The following RGS7BP variants were observed in gnomAD, a reference collection of about 807,000 sequenced individuals.
RGS7BP encodes the protein regulator of G protein signaling 7-binding protein.
In RGS7BP, 9 loss-of-function variants were observed where a neutral mutation model predicts 31.3. The observed-to-expected ratio is 0.29, with a 90% CI of 0.17 to 0.50. The LOEUF (loss-of-function observed/expected upper bound fraction) is 0.50, where lower values mean the gene tolerates loss of function less well. RGS7BP is among the 20% of genes least tolerant of loss of function. RGS7BP has a pLI of 0.98. For missense variants in RGS7BP, 274 were observed against 322.0 expected (o/e 0.85, Z 1.14); for synonymous variants, 115 against 120.1 (o/e 0.96, Z 0.28).
At chr5:64,579,227 G>GA (rs1561341841) in intron 3 of RGS7BP, among the ~76,000 whole-genome samples, 2 of 152,064 alleles carry the variant, frequency 1.3e-5, no homozygotes, top group Admixed American at 1.3e-4. Context: ...TAGGAGTAAA[G>GA]AAAATAGTAA....
chr5:64,566,450 G>T (rs1433872990), intron 2 of RGS7BP, among the ~76,000 whole-genome samples: 1 of 152,054 alleles, frequency 6.6e-6, no homozygotes, highest in Non-Finnish European at 1.5e-5. Flanking sequence ...GCACTAGGGA[G>T]ACTGCTTTAC....
intron 2 of RGS7BP, among the ~76,000 whole-genome samples, chr5:64,529,015 T>C (rs893462417): frequency 9.2e-5 from 14 of 152,224 alleles, no homozygotes; most frequent in African/African-American, 3.4e-4. Context: ...ACTTGCGGCA[T>C]TGATAACACT....
intron 3 of RGS7BP, among the ~76,000 whole-genome samples, chr5:64,578,311 C>T (rs1742489880): frequency 6.6e-6 from 1 of 152,174 alleles, no homozygotes. Flanking sequence ...AAAGAAAATA[C>T]CTGATAGTAC....
At chr5:64,551,362 A>C (rs1471475552) in intron 2 of RGS7BP, among the ~76,000 whole-genome samples, 1 of 150,134 alleles carries the variant, frequency 6.7e-6, no homozygotes, top group Non-Finnish European at 1.5e-5. Flanking sequence ...TCCCCAATTC[A>C]AGCAATTCTC....
chr5:64,549,838 T>G (rs1328259307), intron 2 of RGS7BP, among the ~76,000 whole-genome samples: 1 of 152,192 alleles, frequency 6.6e-6, no homozygotes, highest in Non-Finnish European at 1.5e-5. Flanking sequence ...AACAATTCCT[T>G]CTTCAATTCA....
chr5:64,597,333 A>G (rs983634709), intron 4 of RGS7BP, among the ~76,000 whole-genome samples: 34 of 151,970 alleles, frequency 2.2e-4, no homozygotes, highest in African/African-American at 7.2e-4. Context: ...ATGCAGTGGC[A>G]TTGCATGCTG....
At chr5:64,566,957 C>G (rs1369664612) in intron 2 of RGS7BP, among the ~76,000 whole-genome samples, 2 of 150,594 alleles carry the variant, frequency 1.3e-5, no homozygotes, top group Non-Finnish European at 3.0e-5. Context: ...GATAAACTGT[C>G]TCAAGCAAAG....
Position 64,594,796 on chromosome 5 carries a change from T to C in RGS7BP, c.550T>C (p.Ser184Pro). ...ETPALEDSSS[S>P]PVDSQQHSWQ... ...ACCTGCCCTAGAAGACTCCTCATCA[T>C]CCCCCGTAGATAGTCAGCAACATTC... Residue 184 changes from serine to proline, a missense_variant, in exon 4 of 6, where the codon TCC becomes CCC. By Grantham distance (74) the Ser-to-Pro change is moderately conservative. Coordinates refer to ENST00000334025, the MANE Select transcript of RGS7BP (RefSeq NM_001029875.3). 1.2e-6 allele frequency: 2 copies of C among 1,613,590 alleles called. No individual in the cohort carries two copies. Among genetic ancestry groups the C allele is most frequent in the South Asian group, 1.1e-5 (1 of 91,042 alleles).
Position 64,611,757 on chromosome 5 carries a change from AC to A in RGS7BP, c.*2507del, listed in dbSNP as rs1358013570. On this transcript the variant is annotated 3_prime_UTR_variant, in exon 6 of 6. Transcript: ENST00000334025. ...AAGTTTAGTGCTCAAAACCCTGGTA[AC>A]CTACACTGGCCCAAGGTTACAGTAG... 6.6e-6 allele frequency: 1 copy of A among 152,334 alleles called. No homozygotes were observed. Among genetic ancestry groups the A allele is most frequent in the East Asian group, 1.9e-4 (1 of 5,134 alleles). The allele number at this position is 152,334 out of a possible 1,614,324, so 9.4% of individuals were successfully genotyped here.
At chr5:64,551,449 G>T (rs921830346) in intron 2 of RGS7BP, among the ~76,000 whole-genome samples, 1 of 151,398 alleles carries the variant, frequency 6.6e-6, no homozygotes, top group Admixed American at 6.6e-5. Context: ...TTTTAGTAGA[G>T]ACAGGGTTTC....
chr5:64,598,494 A>G, intron 5 of RGS7BP, 59 bp downstream of exon 5: 1 of 1,055,388 alleles, frequency 9.5e-7, no homozygotes, highest in Non-Finnish European at 1.5e-6. Flanking sequence ...AACCTTGGGA[A>G]TTGTTTCTTG....
rs1743448071 is a variant in RGS7BP, at chr5:64,609,427, G to GAT, written c.*175_*176insAT. ...AATGATTTTACACTTGAAAGCAGCT[G>GAT]CCGTCAAGAAAAAAAAGAACAGATT... is the stretch of plus-strand genomic sequence containing the variant. On this transcript the variant is annotated 3_prime_UTR_variant, in exon 6 of 6. Coordinates refer to ENST00000334025, the MANE Select transcript of RGS7BP (RefSeq NM_001029875.3). 1.8e-6 allele frequency: 1 copy of GAT among 546,298 alleles called. No homozygotes were observed. The highest frequency in any genetic ancestry group is 1.9e-5 in the African/African-American group (1 of 52,962). The allele number at this position is 546,298 out of a possible 1,614,324, so 33.8% of individuals were successfully genotyped here. A position where few individuals can be genotyped will look rare whatever the true frequency, so the allele number is the denominator to read the frequency against.
intron 3 of RGS7BP, among the ~76,000 whole-genome samples, chr5:64,579,447 A>C (rs1205685430): frequency 1.3e-5 from 2 of 150,914 alleles, no homozygotes; most frequent in Non-Finnish European, 3.0e-5. Context: ...AGGAGACTGA[A>C]GCAGTAGCAT....
At chr5:64,530,497 G>C (rs749329624) in intron 2 of RGS7BP, among the ~76,000 whole-genome samples, 1 of 152,144 alleles carries the variant, frequency 6.6e-6, no homozygotes, top group Non-Finnish European at 1.5e-5. Context: ...GGAAATGAAG[G>C]CTCACAAAGA....
chr5:64,603,420 A>T (rs182059177), intron 5 of RGS7BP, among the ~76,000 whole-genome samples: 15 of 152,264 alleles, frequency 9.9e-5, no homozygotes, highest in African/African-American at 3.4e-4. Flanking sequence ...GAGACATGTG[A>T]TCTGAGAGGA....
chr5:64,588,860 A>T (rs2111940152), intron 3 of RGS7BP, among the ~76,000 whole-genome samples: 1 of 152,304 alleles, frequency 6.6e-6, no homozygotes, highest in African/African-American at 2.4e-5. Context: ...TAAAATAGCA[A>T]TTCGGAAAGA....
Position 64,609,267 on chromosome 5 carries a change from A to G in RGS7BP, c.*15A>G. 6.9e-7 allele frequency: 1 copy of G among 1,439,392 alleles called. No homozygotes were observed. 89.2% of individuals were successfully genotyped at this position (1,439,392 alleles called of 1,614,324 possible). A position where few individuals can be genotyped will look rare whatever the true frequency, so the allele number is the denominator to read the frequency against. On this transcript the variant is annotated 3_prime_UTR_variant, in exon 6 of 6. Coordinates refer to ENST00000334025, the MANE Select transcript of RGS7BP (RefSeq NM_001029875.3). ...TCTCAAGCTAGGTGGCTCCTCCTGG[A>G]AACCCACTGAGAACATCTGAAAAAA... is the stretch of plus-strand genomic sequence containing the variant.
chr5:64,537,799 G>A (rs1741412855), intron 2 of RGS7BP, among the ~76,000 whole-genome samples: 1 of 152,146 alleles, frequency 6.6e-6, no homozygotes, highest in Admixed American at 6.5e-5. Flanking sequence ...GAATATCTCT[G>A]CCTGCTCTGC....
chr5:64,575,750 C>G, intron 2 of RGS7BP, 24 bp from the exon 3 acceptor site: 1 of 1,592,870 alleles, frequency 6.3e-7, no homozygotes, highest in Non-Finnish European at 8.5e-7. Flanking sequence ...ATGTTCACAG[C>G]TTTTCTCTTT....
Sources: allele counts gnomAD v4.1 joint callset (sites outside exome capture counted in the v4.1 genomes callset), GRCh38; gene constraint gnomAD v4.1.1; transcripts MANE v1.5; gene names NCBI Gene and HGNC (gene_info 2026-07-23, HGNC 2026-07-21).